The following DIAPH3 variants were observed in gnomAD, a reference collection of about 807,000 sequenced individuals.
DIAPH3 encodes the protein diaphanous related formin 3, also known as protein diaphanous homolog 3.
Under a neutral mutation model 144.3 loss-of-function variants are expected in DIAPH3, and 117 were observed. The observed-to-expected ratio is 0.81, with a 90% confidence interval of 0.70 to 0.95. The LOEUF is 0.95. Ranked by LOEUF, DIAPH3 falls within the 40% of genes least tolerant of loss-of-function variation. DIAPH3 has a pLI of 0.00. For missense variants in DIAPH3, 1,421 were observed against 1,412.7 expected (o/e 1.01, Z -0.09); for synonymous variants, 519 against 488.9 (o/e 1.06, Z -0.81).
At chr13:59,992,242 G>T in intron 10 of DIAPH3, 56 bp from the exon 11 acceptor site, 2 of 1,414,428 alleles carry the variant, frequency 1.4e-6, no homozygotes, top group Non-Finnish European at 9.9e-7. Context: ...TTATGCAAAA[G>T]AATAAAAAAC....
At position 60,040,651 on chromosome 13, in the gene DIAPH3, A is replaced by G. The variant is rs191493676; in HGVS notation, c.626+2039T>C. 3.7e-3 allele frequency among the ~76,000 whole-genome samples: 569 copies of G among 152,268 alleles called. 2 individuals carry two copies. The highest frequency in any genetic ancestry group is 0.012 in the African/African-American group (502 of 41,540). On this transcript the variant is annotated intron_variant, in intron 5 of 27. Coordinates refer to ENST00000400324, the MANE Select transcript of DIAPH3 (RefSeq NM_001042517.2). ...CTACTCCTCATTATATTGAAAAACT[A>G]TGAATATTTCCAGTGCCCACTAGCT...
At chr13:60,078,127 T>G (rs564230019) in intron 4 of DIAPH3, among the ~76,000 whole-genome samples, 1 of 152,094 alleles carries the variant, frequency 6.6e-6, no homozygotes, top group Non-Finnish European at 1.5e-5. Flanking sequence ...TTCACAAAAG[T>G]AATACTCTTT....
At chr13:60,047,157 A>G (rs2056111257) in intron 4 of DIAPH3, among the ~76,000 whole-genome samples, 1 of 152,212 alleles carries the variant, frequency 6.6e-6, no homozygotes, top group Non-Finnish European at 1.5e-5. Context: ...ACCTATAGAT[A>G]AAACTACAAC....
chr13:59,813,972 T>C (rs536733218), intron 24 of DIAPH3, among the ~76,000 whole-genome samples: 9 of 152,152 alleles, frequency 5.9e-5, no homozygotes, highest in Non-Finnish European at 1.2e-4. Context: ...TGTATGTATC[T>C]ATAAGGGAGA....
intron 13 of DIAPH3, among the ~76,000 whole-genome samples, chr13:59,983,139 TAAAAAA>T (rs4054895): frequency 9.6e-6 from 1 of 104,664 alleles, no homozygotes; most frequent in African/African-American, 3.8e-5. Context: ...GCTTTATCTT[TAAAAAA>T]AAAAAAAAAA....
At chr13:59,976,440 C>T (rs1171531156) in intron 14 of DIAPH3, among the ~76,000 whole-genome samples, 3 of 151,710 alleles carry the variant, frequency 2.0e-5, no homozygotes, top group African/African-American at 7.3e-5. Context: ...AAAAAGTACA[C>T]TATGGGCACA....
chr13:59,703,727 A>T (rs1210331365), intron 27 of DIAPH3, among the ~76,000 whole-genome samples: 2 of 152,202 alleles, frequency 1.3e-5, no homozygotes, highest in East Asian at 1.9e-4. Flanking sequence ...TCATCTAAAT[A>T]ACTATTTCTT....
chr13:59,693,742 ATTTGAG>A (rs1430522453), intron 27 of DIAPH3, among the ~76,000 whole-genome samples: 1 of 152,176 alleles, frequency 6.6e-6, no homozygotes, highest in Non-Finnish European at 1.5e-5. Flanking sequence ...GATATGATAA[ATTTGAG>A]TTTCTTACTT....
chr13:59,974,027 T>G (rs1455526866), intron 15 of DIAPH3, among the ~76,000 whole-genome samples: 1 of 152,086 alleles, frequency 6.6e-6, no homozygotes, highest in Non-Finnish European at 1.5e-5. Context: ...AATAATTTCT[T>G]GTAGTGGGAT....
intron 22 of DIAPH3, 91 bp from the exon 23 acceptor site, chr13:59,839,539 A>G: frequency 8.3e-7 from 1 of 1,201,566 alleles, no homozygotes; most frequent in Non-Finnish European, 1.1e-6. Context: ...CATGAAAACA[A>G]CTCACAATAA....
Position 60,125,384 on chromosome 13 carries a change from C to A in DIAPH3, c.213+7573G>T, listed in dbSNP as rs1189503594. ...ACAGGTTCACATCTGCATACCATCACACCCAGCTAATTTTTTTTTTTTTTT... is the reference window on the plus strand; with the variant it reads ...ACAGGTTCACATCTGCATACCATCAAACCCAGCTAATTTTTTTTTTTTTTT... On this transcript the variant is annotated intron_variant, in intron 2 of 27. Transcript: ENST00000400324. Among the ~76,000 whole-genome samples, 2 of 136,948 alleles carry A rather than the reference C, an allele frequency of 1.5e-5. 1 individual carries two copies. Among genetic ancestry groups the A allele is most frequent in the Middle Eastern group, 7.1e-3 (2 of 280 alleles). 89.8% of individuals were successfully genotyped at this position (136,948 alleles called of 152,430 possible).
chr13:59,828,582 A>G (rs1382504840), intron 24 of DIAPH3, among the ~76,000 whole-genome samples: 5 of 148,794 alleles, frequency 3.4e-5, no homozygotes, highest in Non-Finnish European at 7.4e-5. Flanking sequence ...CTGCAAAGAC[A>G]TGGAGCTTCT....
rs184696868 is a variant in DIAPH3 at position 60,111,667 on chromosome 13, C to G, written c.390+343G>C. On this transcript the variant is annotated intron_variant, in intron 3 of 27. Coordinates refer to ENST00000400324, the MANE Select transcript of DIAPH3 (RefSeq NM_001042517.2). ...ATTCCAAAATCATCTCCACCACCCC[C>G]CAAACGCTCATGGAAAAATTGTCTT... is the stretch of plus-strand genomic sequence containing the variant. Among the ~76,000 whole-genome samples, 39 of 152,280 alleles carry G rather than the reference C, an allele frequency of 2.6e-4. 1 individual carries two copies. Among genetic ancestry groups the G allele is most frequent in the Middle Eastern group, 3.4e-3 (1 of 294 alleles).
chr13:59,937,140 G>C (rs1422451525), intron 17 of DIAPH3, among the ~76,000 whole-genome samples: 1 of 150,762 alleles, frequency 6.6e-6, no homozygotes, highest in Non-Finnish European at 1.5e-5. Flanking sequence ...TCCAGCCTGG[G>C]CAACAGAGCA....
chr13:59,980,943 A>T, intron 13 of DIAPH3, 84 bp from the exon 14 acceptor site: 1 of 1,139,552 alleles, frequency 8.8e-7, no homozygotes, highest in South Asian at 1.3e-5. Context: ...AAAAAAGATC[A>T]TAGAAAATAA....
intron 27 of DIAPH3, among the ~76,000 whole-genome samples, chr13:59,682,916 T>C (rs1229375826): frequency 6.6e-6 from 1 of 152,250 alleles, no homozygotes; most frequent in African/African-American, 2.4e-5. Flanking sequence ...GTAGAGTCTA[T>C]GTACTTCCCA....
chr13:59,847,987 T>A (rs2042744876), intron 22 of DIAPH3, among the ~76,000 whole-genome samples: 1 of 152,216 alleles, frequency 6.6e-6, no homozygotes, highest in Admixed American at 6.5e-5. Flanking sequence ...ATCATTAGTT[T>A]TTATAACTCT....
intron 20 of DIAPH3, among the ~76,000 whole-genome samples, chr13:59,883,195 TAAG>T (rs577885487): frequency 2.6e-4 from 40 of 152,156 alleles, no homozygotes; most frequent in Non-Finnish European, 5.3e-4. Flanking sequence ...CTGCCTGTCT[TAAG>T]GAGTATAAAG....
intron 24 of DIAPH3, among the ~76,000 whole-genome samples, chr13:59,818,531 G>A (rs543806664): frequency 6.6e-6 from 1 of 151,784 alleles, no homozygotes; most frequent in Non-Finnish European, 1.5e-5. Context: ...TTTATTTGAA[G>A]TGAGTCTCAT....
Sources: allele counts gnomAD v4.1 joint callset (sites outside exome capture counted in the v4.1 genomes callset), GRCh38; gene constraint gnomAD v4.1.1; transcripts MANE v1.5; gene names NCBI Gene and HGNC (gene_info 2026-07-23, HGNC 2026-07-21).